PCGF5: variants seen among roughly 807,000 people sequenced by gnomAD.
PCGF5 encodes the protein polycomb group ring finger 5.
In PCGF5, 9 loss-of-function variants were observed where a neutral mutation model predicts 44.3. That is an observed-to-expected ratio of 0.20 (90% CI 0.12 to 0.35). The LOEUF is 0.35. PCGF5 is among the 10% of genes least tolerant of loss of function. The pLI, the probability that PCGF5 is intolerant of heterozygous loss-of-function variation, is 1.00. For synonymous variants in PCGF5, 95 were observed against 102.5 expected (o/e 0.93, Z 0.44); for missense variants, 146 against 305.3 (o/e 0.48, Z 3.89).
intron 7 of PCGF5, among the ~76,000 whole-genome samples, chr10:91,264,131 A>G (rs957270418): frequency 1.3e-5 from 2 of 152,174 alleles, no homozygotes; most frequent in African/African-American, 2.4e-5. Flanking sequence ...TCTAAGAGAC[A>G]TGACAGAGAT....
rs1037344299 is a variant in PCGF5, at chr10:91,278,281, G to A, written c.736G>A (p.Val246Ile). Residue 246 changes from valine to isoleucine, a missense_variant, in exon 10 of 10, where the codon GTA becomes ATA. By Grantham distance (29) the Val-to-Ile change is conservative. Transcript: ENST00000336126. ...CTTTATTTTGTAGTCATACCCTATG[G>A]TACTGCAGTATCGACCAAGAATTGA... is the stretch of plus-strand genomic sequence containing the variant. ...DGPLYQSYPM[V>I]LQYRPRIDFG The A allele has an allele frequency of 1.9e-6, 3 of 1,610,194 alleles. No homozygotes were observed. Among genetic ancestry groups the A allele is most frequent in the Non-Finnish European group, 2.5e-6 (3 of 1,176,694 alleles).
intron 6 of PCGF5, among the ~76,000 whole-genome samples, chr10:91,261,042 C>T (rs930759111): frequency 1.4e-5 from 2 of 146,472 alleles, no homozygotes; most frequent in Admixed American, 1.3e-4. Context: ...TTTTTAAGCT[C>T]ATGTTTTCTT....
At chr10:91,254,592 G>A (rs1845703439) in intron 6 of PCGF5, among the ~76,000 whole-genome samples, 2 of 152,034 alleles carry the variant, frequency 1.3e-5, no homozygotes, top group African/African-American at 4.8e-5. Flanking sequence ...CACAATGTCT[G>A]TATTGCTTTA....
At position 91,168,789 on chromosome 10, in the gene PCGF5, G is replaced by A. The variant is rs531884571; in HGVS notation, c.-184+5708G>A. Among the ~76,000 whole-genome samples the A allele has an allele frequency of 2.4e-4, 37 of 152,044 alleles. No homozygotes were observed. The South Asian group carries it at 6.0e-3, about 25-fold the overall frequency. ...TAAAAATACAAAAAACTAGCCGAGT[G>A]TGGTGGTGTGTGTCTGTAATCTCAG... On this transcript the variant is annotated intron_variant, in intron 1 of 9. Transcript: ENST00000614189.
chr10:91,196,599 C>T (rs1031616199), intron 1 of PCGF5, among the ~76,000 whole-genome samples: 1 of 152,164 alleles, frequency 6.6e-6, no homozygotes, highest in African/African-American at 2.4e-5. Flanking sequence ...TATCCCACCC[C>T]ATCCCCCACC....
chr10:91,200,296 A>G (rs544962129), intron 1 of PCGF5, among the ~76,000 whole-genome samples: 15 of 152,318 alleles, frequency 9.8e-5, no homozygotes, highest in Middle Eastern at 3.4e-3. Flanking sequence ...ACTGAACCAG[A>G]ACTCTGGTAT....
chr10:91,176,320 C>G (rs1843706767), intron 1 of PCGF5, among the ~76,000 whole-genome samples: 1 of 152,198 alleles, frequency 6.6e-6, no homozygotes, highest in African/African-American at 2.4e-5. Context: ...GTAACCCAAC[C>G]TTTCTCTCTG....
chr10:91,199,954 A>G (rs1472674132), intron 1 of PCGF5, among the ~76,000 whole-genome samples: 1 of 152,234 alleles, frequency 6.6e-6, no homozygotes, highest in Non-Finnish European at 1.5e-5. Context: ...TATAGTTTCA[A>G]GAGAATTACT....
intron 2 of PCGF5, among the ~76,000 whole-genome samples, chr10:91,230,587 T>C (rs552846618): frequency 6.6e-5 from 10 of 152,290 alleles, no homozygotes; most frequent in African/African-American, 2.2e-4. Flanking sequence ...ATCAATGTTA[T>C]ATTTTAGTTT....
chr10:91,197,781 T>G (rs1844167467), intron 1 of PCGF5, among the ~76,000 whole-genome samples: 1 of 152,172 alleles, frequency 6.6e-6, no homozygotes, highest in African/African-American at 2.4e-5. Flanking sequence ...TTATATTAAA[T>G]TTCAATTATA....
At chr10:91,248,322 C>T (rs907203110) in intron 3 of PCGF5, among the ~76,000 whole-genome samples, 183 bp from the exon 4 acceptor site, 1 of 152,046 alleles carries the variant, frequency 6.6e-6, no homozygotes, top group Admixed American at 6.6e-5. Context: ...TTTTTGTTAT[C>T]AGTCTACTAC....
chr10:91,197,150 T>G (rs972970477), intron 1 of PCGF5, among the ~76,000 whole-genome samples: 1 of 152,200 alleles, frequency 6.6e-6, no homozygotes, highest in African/African-American at 2.4e-5. Flanking sequence ...ATCATTTATC[T>G]CTCACAGTTT....
At chr10:91,159,403 G>A (rs11186476), upstream of PCGF5, among the ~76,000 whole-genome samples, 7 of 152,280 alleles carry the variant, frequency 4.6e-5, no homozygotes, top group Non-Finnish European at 1.0e-4. Context: ...CCTTTGGGAA[G>A]TAATTAAGTC....
intron 8 of PCGF5, among the ~76,000 whole-genome samples, chr10:91,271,110 A>C (rs1302895665): frequency 6.0e-5 from 9 of 150,824 alleles, no homozygotes; most frequent in Non-Finnish European, 1.3e-4. Flanking sequence ...TGCTATATAT[A>C]TATATAATCT....
chr10:91,228,034 T>G (rs1844895506), intron 2 of PCGF5: 1 of 772,678 alleles, frequency 1.3e-6, no homozygotes, highest in Non-Finnish European at 1.6e-6. Context: ...GCATTGTTGG[T>G]TAGGAATTAC....
At chr10:91,167,965 A>G (rs183817642) in intron 1 of PCGF5, among the ~76,000 whole-genome samples, 16 of 152,332 alleles carry the variant, frequency 1.1e-4, no homozygotes, top group Admixed American at 1.0e-3. Flanking sequence ...AAGCTCAGTC[A>G]CTTAAGTTGA....
upstream of PCGF5, among the ~76,000 whole-genome samples, chr10:91,219,392 T>C (rs1844608702): frequency 6.6e-6 from 1 of 152,248 alleles, no homozygotes; most frequent in South Asian, 2.1e-4. Flanking sequence ...ATACCAAGTC[T>C]TTTTTATATA....
At chr10:91,273,045 A>G (rs182330110) in intron 9 of PCGF5, among the ~76,000 whole-genome samples, 17 of 152,324 alleles carry the variant, frequency 1.1e-4, no homozygotes, top group Non-Finnish European at 1.6e-4. Flanking sequence ...TGTCAGTGCT[A>G]TGATATGGGA....
At chr10:91,197,558 G>A (rs1844159705) in intron 1 of PCGF5, among the ~76,000 whole-genome samples, 8 of 152,022 alleles carry the variant, frequency 5.3e-5, no homozygotes, top group Admixed American at 5.2e-4. Context: ...GAAGCAATGG[G>A]GACTCACCAA....
Sources: gnomAD v4.1 joint callset for allele counts (sites outside exome capture counted in the v4.1 genomes callset) on GRCh38, gnomAD v4.1.1 for gene constraint, MANE v1.5 for transcripts, NCBI Gene and HGNC (gene_info 2026-07-23, HGNC 2026-07-21) for gene names.